Variants in MTMR9 observed in about 807,000 individuals in gnomAD.
MTMR9 encodes myotubularin related protein 9.
In MTMR9, 39 loss-of-function variants were observed where a neutral mutation model predicts 69.5. That is an observed-to-expected ratio of 0.56 (90% CI 0.43 to 0.73). MTMR9 has a LOEUF of 0.73. Ranked by LOEUF, MTMR9 falls within the 30% of genes least tolerant of loss-of-function variation. The pLI is 0.00. For synonymous variants in MTMR9, 354 were observed against 240.8 expected (o/e 1.47, Z -4.35); for missense variants, 900 against 671.2 (o/e 1.34, Z -3.77).
chr8:11,298,971 T>C (rs1799657273), intron 2 of MTMR9: 1 of 646,870 alleles, frequency 1.5e-6, no homozygotes, highest in Non-Finnish European at 1.9e-6. Context: ...CCAAATGGCA[T>C]ATACCAGTCT....
the MTMR9 span, among the ~76,000 whole-genome samples, chr8:11,334,126 C>T: frequency 6.6e-6 from 1 of 152,154 alleles, no homozygotes; most frequent in African/African-American, 2.4e-5. Flanking sequence ...CTTGGACTTC[C>T]CAGCTTCCAG....
rs557445516 is a variant in MTMR9, at chr8:11,303,251, G to A, written c.418-1590G>A. ...CTAAAGTGGACAAGTGCGACGGGAT[G>A]GAGAGCACAGTACATTTGGACCAAC... On this transcript the variant is annotated intron_variant, in intron 3 of 9. Coordinates refer to ENST00000221086, the MANE Select transcript of MTMR9 (RefSeq NM_015458.4). Among the ~76,000 whole-genome samples, 125 of 150,454 alleles carry A rather than the reference G, an allele frequency of 8.3e-4. 1 individual carries two copies. Among genetic ancestry groups the A allele is most frequent in the African/African-American group, 2.9e-3 (119 of 40,768 alleles).
intron 2 of MTMR9, among the ~76,000 whole-genome samples, chr8:11,295,624 T>A (rs1799527334): frequency 6.6e-6 from 1 of 152,220 alleles, no homozygotes; most frequent in African/African-American, 2.4e-5. Context: ...GTGTATGAGT[T>A]CTTATTTGGG....
rs1241422310 is a variant in MTMR9, at chr8:11,309,686, C to G, written c.969C>G (p.Asp323Glu). 1.2e-6 allele frequency: 2 copies of G among 1,613,366 alleles called. No individual in the cohort carries two copies. Among genetic ancestry groups the G allele is most frequent in the Admixed American group, 3.3e-5 (2 of 59,814 alleles). The change falls in exon 6 of 10, where the codon GAC (aspartate) becomes GAG (glutamate). Residue 323 changes from aspartate to glutamate, a missense_variant and splice_region_variant. Transcript: ENST00000221086. ...TTACLAAQCI[D>E]REGASILIHG... ...CCTGCCTAGCGGCTCAGTGCATCGA[C>G]AGGTAAAGTGCATTTCAGCGTTCCT...
intron 5 of MTMR9, among the ~76,000 whole-genome samples, chr8:11,309,126 T>G (rs745513929): frequency 7.9e-5 from 12 of 152,078 alleles, no homozygotes; most frequent in Non-Finnish European, 1.3e-4. Context: ...TAGAAAACAG[T>G]GGGATCCAAG....
chr8:11,297,767 A>G (rs2117378921), intron 2 of MTMR9: 2 of 409,974 alleles, frequency 4.9e-6, no homozygotes, highest in South Asian at 1.8e-5. Flanking sequence ...TCATTATATA[A>G]AAGCCCTTAG....
intron 6 of MTMR9, among the ~76,000 whole-genome samples, chr8:11,312,259 G>A (rs932655880): frequency 6.6e-6 from 1 of 151,200 alleles, no homozygotes; most frequent in Non-Finnish European, 1.5e-5. Context: ...TTTATTGCCC[G>A]GTCTGGTCTC....
intron 1 of MTMR9, 49 bp from the exon 2 acceptor site, chr8:11,295,145 A>G: frequency 2.2e-6 from 2 of 929,858 alleles, no homozygotes; most frequent in Non-Finnish European, 3.4e-6. Context: ...TAATATATTT[A>G]AAGTTAGTAA....
rs956399412 is a variant in MTMR9 at position 11,316,992 on chromosome 8, T to A, written c.1334+99T>A. 3 of 651,186 alleles carry A rather than the reference T, an allele frequency of 4.6e-6. No individual in the cohort carries two copies. In the Admixed American group the frequency reaches 8.8e-5, roughly 19 times the overall value. The allele number at this position is 651,186 out of a possible 1,614,324, so 40.3% of individuals were successfully genotyped here. A position where few individuals can be genotyped will look rare whatever the true frequency, so the allele number is the denominator to read the frequency against. On this transcript the variant is annotated intron_variant, in intron 8 of 9. Transcript: ENST00000221086. The stretch of plus-strand genomic sequence containing the variant: ...TAGGAGACGACGATTTGGATCTATA[T>A]TAAAATTATTTATAAAAAGGTAGAG...
intron 1 of MTMR9, among the ~76,000 whole-genome samples, chr8:11,289,163 T>A (rs2572428): frequency 0.61 from 93,045 of 151,984 alleles, 29,024 homozygotes; most frequent in East Asian, 0.89. Context: ...ACAGAGTGAG[T>A]CTCTGTCTCA....
chr8:11,292,918 G>A (rs1027433652), intron 1 of MTMR9, among the ~76,000 whole-genome samples: 11 of 152,070 alleles, frequency 7.2e-5, no homozygotes, highest in African/African-American at 2.4e-4. Context: ...ATTTATAAAC[G>A]ATCATAAAAC....
intron 3 of MTMR9, chr8:11,300,651 CTAGAA>C (rs1229431875): frequency 6.6e-6 from 1 of 151,812 alleles, no homozygotes; most frequent in Non-Finnish European, 1.5e-5. Context: ...AATAAAATAA[CTAGAA>C]TAAGTAAGTT....
chr8:11,337,564 C>T, the MTMR9 span, among the ~76,000 whole-genome samples: 136 of 152,222 alleles, frequency 8.9e-4, no homozygotes, highest in African/African-American at 1.4e-3. Context: ...TGAAGTGGTC[C>T]GGTGTGATAG....
the MTMR9 span, among the ~76,000 whole-genome samples, chr8:11,338,250 G>C: frequency 6.6e-6 from 1 of 152,236 alleles, no homozygotes; most frequent in African/African-American, 2.4e-5. Flanking sequence ...GGCACGTGGA[G>C]GTGGGTATGA....
intron 2 of MTMR9, among the ~76,000 whole-genome samples, chr8:11,299,330 TA>T (rs1448226649): frequency 6.6e-6 from 1 of 152,164 alleles, no homozygotes; most frequent in East Asian, 1.9e-4. Context: ...TGTCTCAGAA[TA>T]AAAGTGGGAA....
chr8:11,315,753 T>G (rs1435622279), intron 7 of MTMR9: 1 of 152,344 alleles, frequency 6.6e-6, no homozygotes, highest in Non-Finnish European at 1.5e-5. Context: ...TGACCTTACC[T>G]CTGTTTAAGT....
downstream of MTMR9, chr8:11,331,783 C>T (rs767437851): frequency 1.9e-6 from 3 of 1,611,712 alleles, no homozygotes; most frequent in Non-Finnish European, 2.5e-6. Flanking sequence ...GCCTTCCTAT[C>T]TGGCTTGGTG....
At chr8:11,287,892 C>T (rs1389327272) in intron 1 of MTMR9, among the ~76,000 whole-genome samples, 15 of 117,572 alleles carry the variant, frequency 1.3e-4, no homozygotes, top group East Asian at 2.3e-4. Context: ...ATATATAATA[C>T]GTATTATATA....
At chr8:11,299,398 C>T (rs549352910) in intron 2 of MTMR9, among the ~76,000 whole-genome samples, 4 of 152,314 alleles carry the variant, frequency 2.6e-5, no homozygotes, top group African/African-American at 9.6e-5. Flanking sequence ...CACACATTAT[C>T]TCTCTTAATG....
Sources: allele counts gnomAD v4.1 joint callset (sites outside exome capture counted in the v4.1 genomes callset), GRCh38; gene constraint gnomAD v4.1.1; transcripts MANE v1.5; gene names NCBI Gene and HGNC (gene_info 2026-07-23, HGNC 2026-07-21).